BAIAP2L1: variants seen among roughly 807,000 people sequenced by gnomAD.
BAIAP2L1 encodes the protein BAR/IMD domain-containing adapter protein 2-like 1.
Under a neutral mutation model 66.3 loss-of-function variants are expected in BAIAP2L1, and 35 were observed. That is an observed-to-expected ratio of 0.53 (90% CI 0.40 to 0.70). BAIAP2L1 has a LOEUF of 0.70. Among genes scored for constraint, BAIAP2L1 ranks in the 30% least tolerant of loss-of-function variants. BAIAP2L1 has a pLI of 0.00. For missense variants in BAIAP2L1, 622 were observed against 656.9 expected, an observed-to-expected ratio of 0.95 and a Z score of 0.58; for synonymous variants, 269 against 248.7, an observed-to-expected ratio of 1.08 and a Z score of -0.77.
chr7:98,366,160 T>C (rs1233213947), intron 1 of BAIAP2L1, among the ~76,000 whole-genome samples: 1 of 152,158 alleles, frequency 6.6e-6, no homozygotes, highest in Non-Finnish European at 1.5e-5. Context: ...TGGTCAGCTT[T>C]CGCAGTCAGG....
chr7:98,360,262 C>G (rs530529470), intron 2 of BAIAP2L1, among the ~76,000 whole-genome samples: 1 of 151,816 alleles, frequency 6.6e-6, no homozygotes, highest in Non-Finnish European at 1.5e-5. Context: ...GACGGGGTCT[C>G]GAATTCCTGG....
intron 2 of BAIAP2L1, among the ~76,000 whole-genome samples, chr7:98,359,745 GTTTTTTTTT>G (rs780836343): frequency 1.8e-5 from 2 of 109,026 alleles, no homozygotes; most frequent in African/African-American, 3.4e-5. Context: ...GTAGACCTGG[GTTTTTTTTT>G]TTTTTTTTTT....
chr7:98,317,415 T>C, intron 5 of BAIAP2L1, 59 bp from the exon 6 acceptor site: 1 of 1,596,354 alleles, frequency 6.3e-7, no homozygotes, highest in Non-Finnish European at 8.5e-7. Flanking sequence ...GTCACACAGT[T>C]TGCCTTTACT....
Position 98,320,264 on chromosome 7 carries a change from C to T in BAIAP2L1, c.249G>A (p.Lys83=). Residue 83 remains lysine, a synonymous_variant, in exon 4 of 14, where the codon AAG becomes AAA. Coordinates refer to ENST00000005260, the MANE Select transcript of BAIAP2L1 (RefSeq NM_018842.5). ...HVLIEISSTH[K]KLNESLDENF... Reference sequence around the variant, plus strand: ...TTTCATCAAGACTCTCGTTGAGTTTCTTGTGGGTACTTGAAATCTCTATGA... The same window carrying T: ...TTTCATCAAGACTCTCGTTGAGTTTTTTGTGGGTACTTGAAATCTCTATGA... 13 of 1,609,866 alleles carry T rather than the reference C, an allele frequency of 8.1e-6. No individual in the cohort carries two copies. The highest frequency in any genetic ancestry group is 1.0e-5 in the Non-Finnish European group (12 of 1,177,234).
intron 1 of BAIAP2L1, among the ~76,000 whole-genome samples, chr7:98,385,090 T>C (rs1456118400): frequency 1.3e-5 from 2 of 151,976 alleles, no homozygotes; most frequent in African/African-American, 4.8e-5. Flanking sequence ...GGCAGATCAC[T>C]TGAGGCCAGG....
chr7:98,357,756 A>G (rs1465591328), intron 2 of BAIAP2L1, among the ~76,000 whole-genome samples: 1 of 152,156 alleles, frequency 6.6e-6, no homozygotes, highest in Admixed American at 6.6e-5. Context: ...TAGTTAATCT[A>G]TCCAATTATG....
At chr7:98,320,342 T>G in intron 3 of BAIAP2L1, 44 bp from the exon 4 acceptor site, 1 of 1,467,280 alleles carries the variant, frequency 6.8e-7, no homozygotes, top group Non-Finnish European at 9.3e-7. Flanking sequence ...CATTGCGTAT[T>G]TTTTTGTTTT....
At position 98,400,905 on chromosome 7, in the gene BAIAP2L1, C is replaced by T; in HGVS notation, c.-53G>A. 4 of 1,479,820 alleles carry T rather than the reference C, an allele frequency of 2.7e-6. No individual in the cohort carries two copies. In the African/African-American group the frequency reaches 4.4e-5, roughly 16 times the overall value. The allele number at this position is 1,479,820 out of a possible 1,614,324, so 91.7% of individuals were successfully genotyped here. On this transcript the variant is annotated 5_prime_UTR_variant, in exon 1 of 14. Coordinates refer to ENST00000005260, the MANE Select transcript of BAIAP2L1 (RefSeq NM_018842.5). Reference sequence around the variant, plus strand: ...GGGAGGACGCGGCTGGGCCTCGTGGCCGCCGGACTCCGGGCAGCGGGAGGG... The same window carrying T: ...GGGAGGACGCGGCTGGGCCTCGTGGTCGCCGGACTCCGGGCAGCGGGAGGG...
Position 98,315,625 on chromosome 7 carries a change from A to AATAAT in BAIAP2L1, c.487-14_487-13insATTAT, listed in dbSNP as rs1554412624. The stretch of plus-strand genomic sequence containing the variant: ...CGGTCTCCACATACTAAAAAAAAAA[A>AATAAT]AATAATAATAATAATAATTATATAA... On this transcript the variant is annotated splice_polypyrimidine_tract_variant and intron_variant, in intron 6 of 13. Coordinates refer to ENST00000005260, the MANE Select transcript of BAIAP2L1 (RefSeq NM_018842.5). 3.7e-3 allele frequency: 4,172 copies of AATAAT among 1,130,974 alleles called. 22 individuals are homozygous for AATAAT. The highest frequency in any genetic ancestry group is 0.018 in the African/African-American group (1,109 of 60,432). The allele number at this position is 1,130,974 out of a possible 1,614,324, so 70.1% of individuals were successfully genotyped here.
At chr7:98,303,233 G>C (rs535610114) in intron 12 of BAIAP2L1, among the ~76,000 whole-genome samples, 4 of 152,268 alleles carry the variant, frequency 2.6e-5, no homozygotes, top group Admixed American at 2.6e-4. Flanking sequence ...AAGCACATCC[G>C]TTTCATATCA....
At chr7:98,397,318 C>T (rs979065860) in intron 1 of BAIAP2L1, among the ~76,000 whole-genome samples, 2 of 74,498 alleles carry the variant, frequency 2.7e-5, no homozygotes, top group African/African-American at 5.4e-5. Flanking sequence ...TTCTTAAGCC[C>T]TTTTTTTTTT....
chr7:98,298,395 A>G (rs1470244479), intron 12 of BAIAP2L1, among the ~76,000 whole-genome samples: 1 of 152,192 alleles, frequency 6.6e-6, no homozygotes, highest in Non-Finnish European at 1.5e-5. Flanking sequence ...GACGGATCAC[A>G]AGGTCAGGAG....
chr7:98,314,629 G>C (rs1431462641), intron 7 of BAIAP2L1, among the ~76,000 whole-genome samples: 1 of 152,192 alleles, frequency 6.6e-6, no homozygotes, highest in Non-Finnish European at 1.5e-5. Context: ...GAATAAACCA[G>C]GAACCAATAC....
chr7:98,312,719 CAG>C (rs1033792399), intron 7 of BAIAP2L1, among the ~76,000 whole-genome samples: 1 of 150,442 alleles, frequency 6.6e-6, no homozygotes, highest in African/African-American at 2.5e-5. Flanking sequence ...AGAAGTGAAT[CAG>C]ACACTGTCCT....
chr7:98,318,166 TCTAAAGGTTA>T (rs1281746315), intron 5 of BAIAP2L1, among the ~76,000 whole-genome samples: 1 of 152,230 alleles, frequency 6.6e-6, no homozygotes, highest in African/African-American at 2.4e-5. Flanking sequence ...TTGGCTTTGT[TCTAAAGGTTA>T]CTGTTTAAAT....
At chr7:98,316,720 T>C (rs957983458) in intron 6 of BAIAP2L1, among the ~76,000 whole-genome samples, 4 of 152,176 alleles carry the variant, frequency 2.6e-5, no homozygotes, top group African/African-American at 9.7e-5. Flanking sequence ...CTAGAACTTA[T>C]TTCTTTTATC....
Position 98,292,930 on chromosome 7 carries a change from A to G in BAIAP2L1, c.*591T>C, listed in dbSNP as rs1050212883. 2 of 1,353,976 alleles carry G rather than the reference A, an allele frequency of 1.5e-6. No homozygotes were observed. The highest frequency in any genetic ancestry group is 2.8e-5 in the East Asian group (1 of 35,190). The allele number at this position is 1,353,976 out of a possible 1,614,324, so 83.9% of individuals were successfully genotyped here. A position where few individuals can be genotyped will look rare whatever the true frequency, so the allele number is the denominator to read the frequency against. ...GTGATAAGGGCAGGCAAAGCGTCTT[A>G]GCACTCTACAGCTCTGGCGTGGTTG... is the stretch of plus-strand genomic sequence containing the variant. On this transcript the variant is annotated 3_prime_UTR_variant, in exon 14 of 14. Coordinates refer to ENST00000005260, the MANE Select transcript of BAIAP2L1 (RefSeq NM_018842.5).
rs369307224 is a variant in BAIAP2L1 at position 98,305,190 on chromosome 7, CA to C, written c.1242-815del. Among the ~76,000 whole-genome samples the C allele has an allele frequency of 4.6e-4, 69 of 150,922 alleles. No individual in the cohort carries two copies. The East Asian group carries it at 0.013, about 28-fold the overall frequency. On this transcript the variant is annotated intron_variant, in intron 11 of 13. Transcript: ENST00000005260. ...ACAGGCATGAGCCCCTGCGCCTGGC[CA>C]AAAAATTATTTAAAAGACATGACAA...
At chr7:98,304,405 TTAGA>T (rs1481915191) in intron 11 of BAIAP2L1, 29 bp from the exon 12 acceptor site, 5 of 1,610,778 alleles carry the variant, frequency 3.1e-6, no homozygotes, top group South Asian at 1.1e-5. Flanking sequence ...ACAGCACGTG[TTAGA>T]TAATGTCTCA....
Sources: gnomAD v4.1 joint callset for allele counts (sites outside exome capture counted in the v4.1 genomes callset) on GRCh38, gnomAD v4.1.1 for gene constraint, MANE v1.5 for transcripts, NCBI Gene and HGNC (gene_info 2026-07-23, HGNC 2026-07-21) for gene names.